PTPRN2: variants seen among roughly 807,000 people sequenced by gnomAD.
PTPRN2 encodes the protein protein tyrosine phosphatase receptor type N2.
Under a neutral mutation model 118.8 loss-of-function variants are expected in PTPRN2, and 74 were observed. The observed-to-expected ratio is 0.62, with a 90% CI of 0.52 to 0.76. The LOEUF is 0.76. PTPRN2 is among the 30% of genes least tolerant of loss of function. PTPRN2 has a pLI of 0.00. For synonymous variants in PTPRN2, 641 were observed against 608.0 expected (o/e 1.05, Z -0.80); for missense variants, 1,481 against 1,394.4 (o/e 1.06, Z -0.99).
At chr7:158,400,916 C>T (rs1229940176) in intron 2 of PTPRN2, among the ~76,000 whole-genome samples, 1 of 152,094 alleles carries the variant, frequency 6.6e-6, no homozygotes, top group Non-Finnish European at 1.5e-5. Context: ...CCCCCAGATC[C>T]TGTAAAGAAC....
intron 8 of PTPRN2, among the ~76,000 whole-genome samples, chr7:158,134,475 C>T (rs940113162): frequency 6.6e-5 from 10 of 152,104 alleles, no homozygotes; most frequent in Non-Finnish European, 1.0e-4. Context: ...AAATTTGCAA[C>T]GACTGAGCTC....
At chr7:158,342,983 G>T (rs568681154) in intron 2 of PTPRN2, among the ~76,000 whole-genome samples, 59 of 152,322 alleles carry the variant, frequency 3.9e-4, no homozygotes, top group African/African-American at 1.3e-3. Context: ...GACCAGCTCT[G>T]CGTTGCAGTG....
At chr7:158,335,570 G>C (rs1337890517) in intron 2 of PTPRN2, among the ~76,000 whole-genome samples, 3 of 27,972 alleles carry the variant, frequency 1.1e-4, no homozygotes, top group African/African-American at 3.7e-4. Context: ...CTCACCATAA[G>C]AGCTGAGGCC....
intron 2 of PTPRN2, among the ~76,000 whole-genome samples, chr7:158,469,480 G>A (rs943093677): frequency 6.6e-6 from 1 of 152,004 alleles, no homozygotes; most frequent in Non-Finnish European, 1.5e-5. Flanking sequence ...AGTCCACAAT[G>A]AACACACCAA....
chr7:158,048,179 TTC>T, intron 11 of PTPRN2, among the ~76,000 whole-genome samples: 1 of 152,186 alleles, frequency 6.6e-6, no homozygotes. Flanking sequence ...CTTTCAACTT[TTC>T]TGTTTGTATA....
chr7:158,362,003 A>G (rs1809022354), intron 2 of PTPRN2, among the ~76,000 whole-genome samples: 1 of 151,904 alleles, frequency 6.6e-6, no homozygotes, highest in African/African-American at 2.4e-5. Context: ...CCCCTTCCCC[A>G]TCGTGGGTTC....
intron 2 of PTPRN2, among the ~76,000 whole-genome samples, chr7:158,373,651 A>G (rs1810273717): frequency 6.6e-6 from 1 of 152,218 alleles, no homozygotes; most frequent in Non-Finnish European, 1.5e-5. Flanking sequence ...AATTAATGTG[A>G]TTCATCCATC....
At chr7:158,317,431 C>A (rs932341470) in intron 2 of PTPRN2, among the ~76,000 whole-genome samples, 2 of 152,200 alleles carry the variant, frequency 1.3e-5, no homozygotes, top group Non-Finnish European at 2.9e-5. Context: ...TCCTTTCCGG[C>A]GGCGCAGGAG....
chr7:158,546,288 C>T lies in PTPRN2; in HGVS notation c.112+41270G>A, dbSNP rs779359322. Among the ~76,000 whole-genome samples the T allele has an allele frequency of 2.6e-5, 4 of 152,200 alleles. No individual in the cohort carries two copies. The highest frequency in any genetic ancestry group is 1.9e-4 in the East Asian group (1 of 5,176). ...GGCTCCTTCCACTGGATGTACAGAG[C>T]GCTTCCAGCAGCTTGAGCTTCACGC... On this transcript the variant is annotated intron_variant, in intron 1 of 22. Coordinates refer to ENST00000389418, the MANE Select transcript of PTPRN2 (RefSeq NM_002847.5). This position sits in a 1 kb window ranked among gnomAD's most constrained non-coding sequence, Gnocchi z 5.0.
At chr7:157,577,879 C>G in intron 18 of PTPRN2, 142 bp downstream of exon 18, 1 of 1,167,490 alleles carries the variant, frequency 8.6e-7, no homozygotes, top group South Asian at 2.2e-5. Flanking sequence ...GGTGGCTCAG[C>G]CTCCATCCCC....
chr7:157,971,624 C>T (rs987018985), intron 11 of PTPRN2, among the ~76,000 whole-genome samples: 13 of 151,586 alleles, frequency 8.6e-5, no homozygotes, highest in African/African-American at 2.9e-4. Context: ...CCCTGTTTTA[C>T]GATTAAGTGC....
chr7:158,448,420 A>G (rs1817874104), intron 2 of PTPRN2, among the ~76,000 whole-genome samples: 2 of 151,680 alleles, frequency 1.3e-5, no homozygotes, highest in Admixed American at 1.3e-4. Flanking sequence ...TGGTTTCCAC[A>G]CTGCTTTCAT....
intron 1 of PTPRN2, among the ~76,000 whole-genome samples, chr7:158,538,607 G>A (rs907697353): frequency 2.0e-5 from 3 of 152,112 alleles, no homozygotes; most frequent in Admixed American, 6.5e-5. Context: ...GCATCCCAGC[G>A]CCCTAGGCAC....
chr7:157,562,372 C>T (rs1008171966), intron 21 of PTPRN2, among the ~76,000 whole-genome samples: 1 of 152,170 alleles, frequency 6.6e-6, no homozygotes, highest in African/African-American at 2.4e-5. Flanking sequence ...CGTAGTGCCA[C>T]CTTGGAGCCG....
intron 10 of PTPRN2, among the ~76,000 whole-genome samples, chr7:158,084,982 TC>T (rs1813179983): frequency 1.0e-5 from 1 of 97,816 alleles, no homozygotes; most frequent in African/African-American, 4.2e-5. Context: ...ACGACGCCCA[TC>T]CACACGGATG....
At chr7:158,334,645 T>G (rs1805229560) in intron 2 of PTPRN2, among the ~76,000 whole-genome samples, 3 of 91,510 alleles carry the variant, frequency 3.3e-5, no homozygotes, top group East Asian at 3.6e-4. Flanking sequence ...ACCCACACTC[T>G]CACCATAATT....
intron 6 of PTPRN2, among the ~76,000 whole-genome samples, chr7:158,154,718 T>G (rs1408457125): frequency 6.6e-6 from 1 of 151,162 alleles, no homozygotes; most frequent in East Asian, 2.0e-4. Flanking sequence ...AAAAAGAAAC[T>G]TTTTAGGTTA....
At chr7:158,344,809 C>G (rs1209845809) in intron 2 of PTPRN2, among the ~76,000 whole-genome samples, 1 of 152,148 alleles carries the variant, frequency 6.6e-6, no homozygotes, top group African/African-American at 2.4e-5. Flanking sequence ...GCCCAGGGGA[C>G]CCTGGCACTC....
intron 12 of PTPRN2, among the ~76,000 whole-genome samples, chr7:157,724,164 A>G (rs1015218087): frequency 6.6e-6 from 1 of 151,862 alleles, no homozygotes; most frequent in East Asian, 1.9e-4. Context: ...CCTCGTCTGA[A>G]TTGTGCTGGT....
Sources: gnomAD v4.1 joint callset for allele counts (sites outside exome capture counted in the v4.1 genomes callset) on GRCh38, gnomAD v4.1.1 for gene constraint, Gnocchi (gnomAD v3.1) non-coding constraint, MANE v1.5 for transcripts, NCBI Gene and HGNC (gene_info 2026-07-23, HGNC 2026-07-21) for gene names.